The following THEMIS variants were observed in gnomAD, a reference collection of about 807,000 sequenced individuals.
THEMIS encodes protein THEMIS.
Under a neutral mutation model 52.6 loss-of-function variants are expected in THEMIS, and 37 were observed. The ratio of observed to expected loss-of-function variants is 0.70; its 90% confidence interval spans 0.54 to 0.93. The LOEUF (loss-of-function observed/expected upper bound fraction) is 0.93. Among genes scored for constraint, THEMIS ranks in the 40% least tolerant of loss-of-function variants. The pLI is 0.00. For missense variants in THEMIS, 808 were observed against 763.1 expected, an observed-to-expected ratio of 1.06 and a Z score of -0.69; for synonymous variants, 292 against 272.7, an observed-to-expected ratio of 1.07 and a Z score of -0.70.
At chr6:127,916,517 T>A (rs1412266296) in intron 1 of THEMIS, among the ~76,000 whole-genome samples, 1 of 152,172 alleles carries the variant, frequency 6.6e-6, no homozygotes, top group Non-Finnish European at 1.5e-5. Context: ...TCTGCCTGGT[T>A]TAAGAGGGGC....
intron 1 of THEMIS, among the ~76,000 whole-genome samples, chr6:127,889,476 C>T (rs1261288035): frequency 6.6e-6 from 1 of 152,110 alleles, no homozygotes; most frequent in Non-Finnish European, 1.5e-5. Context: ...GGACTCATAA[C>T]ATCAATTGTG....
chr6:127,763,067 T>C (rs538521580), intron 4 of THEMIS, among the ~76,000 whole-genome samples: 2 of 151,978 alleles, frequency 1.3e-5, no homozygotes, highest in Admixed American at 6.6e-5. Flanking sequence ...GTATTCCCTT[T>C]GAAAAATTAA....
At chr6:127,886,177 T>G (rs1233892359) in intron 1 of THEMIS, among the ~76,000 whole-genome samples, 1 of 152,136 alleles carries the variant, frequency 6.6e-6, no homozygotes, top group Admixed American at 6.6e-5. Flanking sequence ...TTTGGTTAAC[T>G]CCCTCACTTC....
downstream of THEMIS, among the ~76,000 whole-genome samples, chr6:127,707,608 A>C (rs2114439090): frequency 6.6e-6 from 1 of 152,230 alleles, no homozygotes; most frequent in South Asian, 2.1e-4. Flanking sequence ...TCATGGTAAA[A>C]TCAAAAGAAT....
At chr6:127,826,380 G>A (rs1778506967) in intron 3 of THEMIS, among the ~76,000 whole-genome samples, 1 of 152,176 alleles carries the variant, frequency 6.6e-6, no homozygotes, top group African/African-American at 2.4e-5. Context: ...TGCTATTCAT[G>A]TATCACTGAT....
intron 1 of THEMIS, among the ~76,000 whole-genome samples, chr6:127,914,987 A>G (rs543956711): frequency 6.6e-6 from 1 of 152,326 alleles, no homozygotes; most frequent in African/African-American, 2.4e-5. Flanking sequence ...AAAAGCTGCT[A>G]CTTATTGATA....
At chr6:127,697,314 G>A in the THEMIS span, among the ~76,000 whole-genome samples, 1 of 151,922 alleles carries the variant, frequency 6.6e-6, no homozygotes, top group Admixed American at 6.6e-5. Context: ...TCCAAAATAC[G>A]TACAAAATTT....
intron 1 of THEMIS, among the ~76,000 whole-genome samples, chr6:127,881,904 A>G (rs2114431706): frequency 6.6e-6 from 1 of 151,836 alleles, no homozygotes; most frequent in African/African-American, 2.4e-5. Flanking sequence ...TGGCTACACT[A>G]AAAGGTTAAC....
intron 1 of THEMIS, among the ~76,000 whole-genome samples, chr6:127,874,349 T>C (rs1272118135): frequency 6.6e-6 from 1 of 152,214 alleles, no homozygotes; most frequent in Admixed American, 6.5e-5. Context: ...TTCTCTCAAC[T>C]GTGACTAGCA....
intron 1 of THEMIS, among the ~76,000 whole-genome samples, chr6:127,873,891 A>G (rs1354099483): frequency 4.6e-5 from 7 of 152,114 alleles, no homozygotes; most frequent in Middle Eastern, 3.4e-3. Context: ...TATTGATACC[A>G]TAAGTTTACA....
At chr6:127,858,612 C>G (rs78795182) in intron 1 of THEMIS, among the ~76,000 whole-genome samples, 2,311 of 152,126 alleles carry the variant, frequency 0.015, 65 homozygotes, top group African/African-American at 0.052. Context: ...CTTTCATTAT[C>G]TCAAAACAAA....
intron 5 of THEMIS, among the ~76,000 whole-genome samples, chr6:127,712,329 G>T (rs1397002899): frequency 6.6e-6 from 1 of 151,894 alleles, no homozygotes; most frequent in Non-Finnish European, 1.5e-5. Context: ...CCAGTGCAGT[G>T]GTCCTCTAAA....
At chr6:127,911,762 G>A (rs1287882372) in intron 1 of THEMIS, among the ~76,000 whole-genome samples, 1 of 151,452 alleles carries the variant, frequency 6.6e-6, no homozygotes, top group African/African-American at 2.5e-5. Context: ...CCAGGCAGAA[G>A]TTTACCGTGG....
intron 4 of THEMIS, among the ~76,000 whole-genome samples, chr6:127,762,758 T>C (rs1284829306): frequency 1.3e-5 from 2 of 152,126 alleles, no homozygotes; most frequent in Non-Finnish European, 2.9e-5. Context: ...CTGAAAACTA[T>C]AATTAGCCTA....
In THEMIS at chr6:127,799,575, CTTTCTTTCTTTT is replaced by C. The variant is rs879572404; in HGVS notation, c.1758+13296_1758+13307del. On this transcript the variant is annotated intron_variant, in intron 4 of 5. Coordinates refer to ENST00000368248, the MANE Select transcript of THEMIS (RefSeq NM_001010923.3). ...TCTATCTTTCTTTCTTTCTTTCTTT[CTTTCTTTCTTTT>C]TTTCTTTCTTTCCTTCTTTCTTTTC... Among the ~76,000 whole-genome samples the C allele has an allele frequency of 1.4e-3, 206 of 142,942 alleles. 2 individuals carry two copies. The highest frequency in any genetic ancestry group is 3.5e-3 in the Middle Eastern group (1 of 288). 93.8% of individuals were successfully genotyped at this position (142,942 alleles called of 152,430 possible). A position where few individuals can be genotyped will look rare whatever the true frequency, so the allele number is the denominator to read the frequency against.
chr6:127,766,293 C>A (rs987104332), intron 4 of THEMIS, among the ~76,000 whole-genome samples: 4 of 152,110 alleles, frequency 2.6e-5, no homozygotes, highest in Non-Finnish European at 4.4e-5. Flanking sequence ...TTCCATGTAT[C>A]CTTTTTGCCT....
intron 4 of THEMIS, among the ~76,000 whole-genome samples, chr6:127,771,688 A>G (rs1248215968): frequency 6.6e-6 from 1 of 152,194 alleles, no homozygotes; most frequent in African/African-American, 2.4e-5. Flanking sequence ...GGAAGTTAGA[A>G]CTGTGAAAAT....
chr6:127,724,151 A>G (rs942351279), intron 4 of THEMIS, among the ~76,000 whole-genome samples: 2 of 152,252 alleles, frequency 1.3e-5, no homozygotes, highest in Non-Finnish European at 2.9e-5. Context: ...ATTGGTAGAT[A>G]AAATGCAGTT....
At chr6:127,792,904 T>A (rs1214050747) in intron 4 of THEMIS, among the ~76,000 whole-genome samples, 1 of 152,192 alleles carries the variant, frequency 6.6e-6, no homozygotes, top group Non-Finnish European at 1.5e-5. Flanking sequence ...AGCCTGGTCA[T>A]GATGTCAAAT....
Sources: allele counts gnomAD v4.1 joint callset (sites outside exome capture counted in the v4.1 genomes callset), GRCh38; gene constraint gnomAD v4.1.1; transcripts MANE v1.5; gene names NCBI Gene and HGNC (gene_info 2026-07-23, HGNC 2026-07-21).